CFHR3: variants seen among roughly 807,000 people sequenced by gnomAD.
CFHR3 encodes complement factor H-related protein 3.
In CFHR3, 22 loss-of-function variants were observed where a neutral mutation model predicts 36.0. The observed-to-expected ratio is 0.61, with a 90% confidence interval of 0.44 to 0.87. The LOEUF (loss-of-function observed/expected upper bound fraction) is 0.87. Ranked by LOEUF, CFHR3 falls within the 40% of genes least tolerant of loss-of-function variation. The pLI is 0.00. For synonymous variants in CFHR3, 97 were observed against 137.4 expected (o/e 0.71, Z 2.06); for missense variants, 276 against 401.3 (o/e 0.69, Z 2.67).
intron 4 of CFHR3, chr1:196,788,992 T>G: frequency 7.7e-7 from 1 of 1,306,352 alleles, no homozygotes; most frequent in African/African-American, 1.9e-5. Context: ...TGCCAATGGA[T>G]TCTTTACATG....
chr1:196,784,109 AG>A (rs1654085525), intron 3 of CFHR3, among the ~76,000 whole-genome samples: 1 of 135,646 alleles, frequency 7.4e-6, no homozygotes, highest in African/African-American at 3.1e-5. Flanking sequence ...GTAGTTGAGC[AG>A]TTTTGAGTGA....
intron 3 of CFHR3, among the ~76,000 whole-genome samples, chr1:196,786,602 C>A (rs1558201024): frequency 7.3e-6 from 1 of 136,304 alleles, no homozygotes; most frequent in Non-Finnish European, 1.6e-5. Flanking sequence ...ATAGGACCCT[C>A]TGAGCCAGGT....
At chr1:196,779,432 C>T in intron 2 of CFHR3, 76 bp downstream of exon 2, 1 of 1,149,104 alleles carries the variant, frequency 8.7e-7, no homozygotes, top group South Asian at 1.4e-5. Context: ...TAATTGATTA[C>T]TCTTGTCTTA....
intron 3 of CFHR3, among the ~76,000 whole-genome samples, chr1:196,785,306 A>G (rs1197295663): frequency 7.5e-6 from 1 of 133,522 alleles, no homozygotes; most frequent in African/African-American, 3.3e-5. Context: ...CTCTAGGAGT[A>G]TCTTTGTGGC....
Position 196,789,636 on chromosome 1 carries a change from G to A in CFHR3, c.614-409G>A, listed in dbSNP as rs1269110580. 27 of 1,413,418 alleles carry A rather than the reference G, an allele frequency of 1.9e-5. 6 individuals are homozygous for A. The highest frequency in any genetic ancestry group is 1.4e-4 in the East Asian group (6 of 42,358). The allele number at this position is 1,413,418 out of a possible 1,614,324, so 87.6% of individuals were successfully genotyped here. On this transcript the variant is annotated intron_variant, in intron 4 of 5. Coordinates refer to ENST00000367425, the MANE Select transcript of CFHR3 (RefSeq NM_021023.6). Reference sequence around the variant, plus strand: ...CTTTTAAATTCACAAATTTAAAAGCGGTTTAAGCTCCGTGACACATTGGAC... The same window carrying A: ...CTTTTAAATTCACAAATTTAAAAGCAGTTTAAGCTCCGTGACACATTGGAC...
chr1:196,789,789 G>T (rs1654352162), intron 4 of CFHR3: 3 of 1,257,304 alleles, frequency 2.4e-6, no homozygotes, highest in Admixed American at 5.8e-5. Flanking sequence ...TTTTTTATTA[G>T]AATTAAATAA....
rs543977187 is a variant in CFHR3 at position 196,783,999 on chromosome 1, T to C, written c.430+4026T>C. Among the ~76,000 whole-genome samples the C allele has an allele frequency of 1.8e-4, 25 of 136,962 alleles. 2 individuals carry two copies. Among genetic ancestry groups the C allele is most frequent in the Non-Finnish European group, 1.1e-4 (7 of 64,620 alleles). The allele number at this position is 136,962 out of a possible 152,430, so 89.9% of individuals were successfully genotyped here. On this transcript the variant is annotated intron_variant, in intron 3 of 5. Coordinates refer to ENST00000367425, the MANE Select transcript of CFHR3 (RefSeq NM_021023.6). ...ATGTGTCCCATAGATTCTGGTATGT[T>C]GTGTCTTTGTTCTCGTTGGTTTCAA...
In CFHR3 at chr1:196,775,631, AT is replaced by A. The variant is rs1324164807; in HGVS notation, c.58+690del. Among the ~76,000 whole-genome samples the A allele has an allele frequency of 1.5e-5, 2 of 136,984 alleles. 1 individual carries two copies. Among genetic ancestry groups the A allele is most frequent in the African/African-American group, 6.1e-5 (2 of 32,972 alleles). The allele number at this position is 136,984 out of a possible 152,430, so 89.9% of individuals were successfully genotyped here. A position where few individuals can be genotyped will look rare whatever the true frequency, so the allele number is the denominator to read the frequency against. On this transcript the variant is annotated intron_variant, in intron 1 of 5. Transcript: ENST00000367425. ...CATAGCGTTATGTCATTGTTCACTGATTTCTCCTAGATAGTCATATATTTTC... is the reference window on the plus strand; with the variant it reads ...CATAGCGTTATGTCATTGTTCACTGATTCTCCTAGATAGTCATATATTTTC...
chr1:196,788,259 T>C lies in CFHR3; in HGVS notation c.474T>C (p.Ile158=). 2 of 1,312,408 alleles carry C rather than the reference T, an allele frequency of 1.5e-6. 1 individual carries two copies. Among genetic ancestry groups the C allele is most frequent in the Non-Finnish European group, 2.1e-6 (2 of 971,458 alleles). The allele number at this position is 1,312,408 out of a possible 1,614,324, so 81.3% of individuals were successfully genotyped here. A position where few individuals can be genotyped will look rare whatever the true frequency, so the allele number is the denominator to read the frequency against. The change falls in exon 4 of 6, where the codon ATT becomes ATC. Residue 158 remains isoleucine, a synonymous_variant. Coordinates refer to ENST00000367425, the MANE Select transcript of CFHR3 (RefSeq NM_021023.6). ...ATATAGAAATTGAAAATGGATTCAT[T>C]TCCGAATCTTCCTCTATTTATATTT... ...KSDIEIENGF[I]SESSSIYILN...
rs192510698 is a variant in CFHR3 at position 196,784,267 on chromosome 1, A to G, written c.431-3949A>G. On this transcript the variant is annotated intron_variant, in intron 3 of 5. Transcript: ENST00000367425. Reference sequence around the variant, plus strand: ...ATTGGTGTGGTGTGGTGCTGAAAAAAATGTATATTCTGTCGATTTGGGGTG... The same window carrying G: ...ATTGGTGTGGTGTGGTGCTGAAAAAGATGTATATTCTGTCGATTTGGGGTG... 5.6e-4 allele frequency among the ~76,000 whole-genome samples: 77 copies of G among 136,564 alleles called. 18 individuals carry two copies. The highest frequency in any genetic ancestry group is 2.3e-3 in the African/African-American group (75 of 32,594). 89.6% of individuals were successfully genotyped at this position (136,564 alleles called of 152,430 possible). A position where few individuals can be genotyped will look rare whatever the true frequency, so the allele number is the denominator to read the frequency against.
At chr1:196,790,352 A>G (rs2124863700) in intron 5 of CFHR3, 125 bp downstream of exon 5, 1 of 486,514 alleles carries the variant, frequency 2.1e-6, no homozygotes, top group Admixed American at 3.8e-5. Flanking sequence ...ATTCTGCTGA[A>G]TGTTTGCCTT....
At position 196,784,945 on chromosome 1, in the gene CFHR3, T is replaced by C. The variant is rs1450482372; in HGVS notation, c.431-3271T>C. ...ATGATTTTGCAGTGGCTGGTACCAG[T>C]TGTTCCTTTCCATGTTTAGTGCTTC... is the stretch of plus-strand genomic sequence containing the variant. On this transcript the variant is annotated intron_variant, in intron 3 of 5. Transcript: ENST00000367425. Among the ~76,000 whole-genome samples, 6 of 137,644 alleles carry C rather than the reference T, an allele frequency of 4.4e-5. 1 individual carries two copies. The highest frequency in any genetic ancestry group is 1.8e-4 in the African/African-American group (6 of 33,006). The allele number at this position is 137,644 out of a possible 152,430, so 90.3% of individuals were successfully genotyped here.
intron 3 of CFHR3, among the ~76,000 whole-genome samples, chr1:196,787,204 GA>G (rs1654243009): frequency 7.3e-6 from 1 of 137,072 alleles, no homozygotes; most frequent in Non-Finnish European, 1.5e-5. Context: ...GCCCCTGAAA[GA>G]AAAGTCCCTT....
chr1:196,775,195 T>C (rs1297406436), intron 1 of CFHR3, among the ~76,000 whole-genome samples: 1 of 136,992 alleles, frequency 7.3e-6, no homozygotes, highest in Non-Finnish European at 1.6e-5. Flanking sequence ...CATTTAATAT[T>C]GATTATGGAG....
In CFHR3 at chr1:196,779,385, G is replaced by A. The variant is rs1057002405; in HGVS notation, c.253+29G>A. 28 of 1,378,274 alleles carry A rather than the reference G, an allele frequency of 2.0e-5. 10 individuals carry two copies. The African/African-American group carries it at 4.8e-4, about 24-fold the overall frequency. 85.4% of individuals were successfully genotyped at this position (1,378,274 alleles called of 1,614,324 possible). Reference sequence around the variant, plus strand: ...AGTAATCCTCTGAACTGCTACACATGTATAAAACTTTAAAAGATTAAAGAG... The same window carrying A: ...AGTAATCCTCTGAACTGCTACACATATATAAAACTTTAAAAGATTAAAGAG... On this transcript the variant is annotated intron_variant, in intron 2 of 5. Transcript: ENST00000367425.
intron 4 of CFHR3, 188 bp from the exon 5 acceptor site, chr1:196,789,857 C>T (rs1379850957): frequency 8.8e-7 from 1 of 1,130,736 alleles, no homozygotes; most frequent in Non-Finnish European, 1.2e-6. Flanking sequence ...CATATATGTA[C>T]ATATATATGT....
chr1:196,784,056 A>C lies in CFHR3; in HGVS notation c.430+4083A>C, dbSNP rs1321551849. Among the ~76,000 whole-genome samples, 27 of 135,996 alleles carry C rather than the reference A, an allele frequency of 2.0e-4. 7 individuals are homozygous for C. Among genetic ancestry groups the C allele is most frequent in the African/African-American group, 8.4e-4 (27 of 32,258 alleles). 89.2% of individuals were successfully genotyped at this position (135,996 alleles called of 152,430 possible). ...TCTTTATTTCTGCCTTCATTTCTTT[A>C]TGTACCCAGTAGTCATTCAGGAGCA... On this transcript the variant is annotated intron_variant, in intron 3 of 5. Transcript: ENST00000367425.
intron 1 of CFHR3, among the ~76,000 whole-genome samples, chr1:196,777,802 C>T (rs1401059157): frequency 7.5e-6 from 1 of 133,362 alleles, no homozygotes; most frequent in Non-Finnish European, 1.6e-5. Context: ...GCCCGGCCAA[C>T]ATGATGGAAC....
rs1328051234 is a variant in CFHR3 at position 196,786,662 on chromosome 1, G to A, written c.431-1554G>A. The stretch of plus-strand genomic sequence containing the variant: ...CGTTTTTTAAGCCCGTGGGAAAAGC[G>A]CAGTATTAGGGTGGGAGTGACCCGA... On this transcript the variant is annotated intron_variant, in intron 3 of 5. Coordinates refer to ENST00000367425, the MANE Select transcript of CFHR3 (RefSeq NM_021023.6). 5.8e-5 allele frequency among the ~76,000 whole-genome samples: 8 copies of A among 136,796 alleles called. 2 individuals are homozygous for A. The highest frequency in any genetic ancestry group is 5.1e-4 in the South Asian group (2 of 3,928). 89.7% of individuals were successfully genotyped at this position (136,796 alleles called of 152,430 possible). A position where few individuals can be genotyped will look rare whatever the true frequency, so the allele number is the denominator to read the frequency against.
Sources: allele counts gnomAD v4.1 joint callset (sites outside exome capture counted in the v4.1 genomes callset), GRCh38; gene constraint gnomAD v4.1.1; transcripts MANE v1.5; gene names NCBI Gene and HGNC (gene_info 2026-07-23, HGNC 2026-07-21).